Variants in USP50 observed in about 807,000 individuals in gnomAD.
The protein encoded by USP50 is ubiquitin specific peptidase 50.
In USP50, 37 loss-of-function variants were observed where a neutral mutation model predicts 39.2. The observed-to-expected ratio is 0.94, with a 90% CI of 0.73 to 1.24. The LOEUF is 1.24. Ranked by LOEUF, USP50 falls within the 50% of genes most tolerant of loss-of-function variation. USP50 has a pLI of 0.00. For missense variants in USP50, 374 were observed against 398.2 expected, an observed-to-expected ratio of 0.94 and a Z score of 0.52; for synonymous variants, 139 against 144.5, an observed-to-expected ratio of 0.96 and a Z score of 0.27.
downstream of USP50, chr15:50,498,821 A>T: frequency 6.5e-7 from 1 of 1,549,612 alleles, no homozygotes; most frequent in Non-Finnish European, 8.7e-7. Flanking sequence ...AGTAAGAACA[A>T]CATAAAGCTT....
chr15:50,500,942 A>G, intron 6 of USP50, 105 bp from the exon 7 acceptor site: 1 of 956,256 alleles, frequency 1.0e-6, no homozygotes, highest in Non-Finnish European at 1.6e-6. Context: ...CCCTTATTCT[A>G]AATTAAAAGG....
chr15:50,538,338 T>C (rs2053000437), intron 5 of USP50, among the ~76,000 whole-genome samples: 1 of 146,184 alleles, frequency 6.8e-6, no homozygotes, highest in African/African-American at 2.5e-5. Flanking sequence ...AACAACCCAA[T>C]TTTTAAAATA....
downstream of USP50, chr15:50,493,608 G>A: frequency 2.3e-6 from 1 of 439,104 alleles, no homozygotes; most frequent in Non-Finnish European, 4.5e-6. Context: ...AGCTAGGTGT[G>A]GTGATACATG....
chr15:50,525,570 A>ATGTG (rs1303040819), intron 6 of USP50, among the ~76,000 whole-genome samples: 1 of 65,684 alleles, frequency 1.5e-5, no homozygotes, highest in Admixed American at 1.5e-4. Flanking sequence ...ATATGTATAT[A>ATGTG]TGTATATGTA....
At position 50,518,387 on chromosome 15, in the gene USP50, A is replaced by AT. The variant is rs767249659; in HGVS notation, c.936+11409dup. Reference sequence around the variant, plus strand: ...AGGCACCCACCACCACGCCCGGCTAATTTTTTTTTATATTTTTAGTAGAGA... The same window carrying AT: ...AGGCACCCACCACCACGCCCGGCTAATTTTTTTTTTATATTTTTAGTAGAGA... On this transcript the variant is annotated intron_variant, in intron 6 of 6. Transcript: ENST00000532404. 2.0e-4 allele frequency among the ~76,000 whole-genome samples: 30 copies of AT among 150,758 alleles called. No homozygotes were observed. In the East Asian group the frequency reaches 2.1e-3, roughly 11 times the overall value.
At chr15:50,536,196 C>G (rs942290680) in intron 5 of USP50, among the ~76,000 whole-genome samples, 2 of 152,102 alleles carry the variant, frequency 1.3e-5, no homozygotes, top group Non-Finnish European at 2.9e-5. Context: ...CCGTCTTTGT[C>G]TACAGATGAC....
chr15:50,538,900 C>G (rs1409823590), intron 4 of USP50, 49 bp from the exon 5 acceptor site: 11 of 1,550,080 alleles, frequency 7.1e-6, no homozygotes, highest in African/African-American at 1.4e-5. Flanking sequence ...CAACTGCAAC[C>G]TGCACTCTCT....
intron 5 of USP50, among the ~76,000 whole-genome samples, chr15:50,533,159 C>A (rs1376170761): frequency 7.1e-6 from 1 of 141,040 alleles, no homozygotes; most frequent in East Asian, 2.1e-4. Context: ...ACCATGCCTC[C>A]TAAAAAAAAA....
chr15:50,546,538 A>C lies in USP50; in HGVS notation c.-13T>G, dbSNP rs1301162852. On this transcript the variant is annotated 5_prime_UTR_variant, in exon 1 of 7. Transcript: ENST00000532404. ...GCTGAGAAGTCATTTTAATGGAACCACGTTGGACTTTTGCTTCTATTCAGG... is the reference window on the plus strand; with the variant it reads ...GCTGAGAAGTCATTTTAATGGAACCCCGTTGGACTTTTGCTTCTATTCAGG... 1 of 1,613,416 alleles carries C rather than the reference A, an allele frequency of 6.2e-7. No individual in the cohort carries two copies.
At chr15:50,502,042 G>A (rs2052597640) in intron 6 of USP50, 1 of 152,184 alleles carries the variant, frequency 6.6e-6, no homozygotes, top group African/African-American at 2.4e-5. Context: ...AATATTTACT[G>A]TTTGGCCTTT....
At chr15:50,540,063 A>G (rs904482486) in intron 4 of USP50, among the ~76,000 whole-genome samples, 1 of 152,224 alleles carries the variant, frequency 6.6e-6, no homozygotes, top group Non-Finnish European at 1.5e-5. Flanking sequence ...CTATTCTCCA[A>G]TTCTGGTAGG....
At chr15:50,498,673 A>C (rs1320327229), downstream of USP50, 2 of 1,613,400 alleles carry the variant, frequency 1.2e-6, no homozygotes, top group South Asian at 2.2e-5. Context: ...GACTTGTCAC[A>C]GTATGTTATT....
At position 50,500,740 on chromosome 15, in the gene USP50, T is replaced by C. The variant is rs1281394326; in HGVS notation, c.*29A>G. 1.3e-6 allele frequency: 2 copies of C among 1,566,222 alleles called. No homozygotes were observed. Among genetic ancestry groups the C allele is most frequent in the Admixed American group, 3.8e-5 (2 of 52,922 alleles). ...ATTTTGAACAGAAGTATCTGGAATC[T>C]CACTGACTCGTGTGTTATCAAAGCT... is the stretch of plus-strand genomic sequence containing the variant. On this transcript the variant is annotated 3_prime_UTR_variant, in exon 7 of 7. Coordinates refer to ENST00000532404, the MANE Select transcript of USP50 (RefSeq NM_203494.5).
At chr15:50,543,859 C>T (rs2053050061) in intron 2 of USP50, 66 bp from the exon 3 acceptor site, 8 of 1,481,370 alleles carry the variant, frequency 5.4e-6, no homozygotes, top group African/African-American at 1.4e-5. Context: ...ATCACCCAAG[C>T]CTAGGAAATT....
chr15:50,500,659 C>T lies in USP50; in HGVS notation c.*110G>A, dbSNP rs1012704208. 1.7e-5 allele frequency: 18 copies of T among 1,059,070 alleles called. No homozygotes were observed. In the African/African-American group the frequency reaches 1.7e-4, roughly 10 times the overall value. The allele number at this position is 1,059,070 out of a possible 1,614,324, so 65.6% of individuals were successfully genotyped here. On this transcript the variant is annotated 3_prime_UTR_variant, in exon 7 of 7. Coordinates refer to ENST00000532404, the MANE Select transcript of USP50 (RefSeq NM_203494.5). The stretch of plus-strand genomic sequence containing the variant: ...GAAACACCATTTTCCTGGCTCTTAA[C>T]GCTTTTGTATTGGTATGGAAAAGGG...
At chr15:50,545,716 C>T (rs777052022) in intron 1 of USP50, among the ~76,000 whole-genome samples, 7 of 151,702 alleles carry the variant, frequency 4.6e-5, no homozygotes, top group Non-Finnish European at 1.0e-4. Flanking sequence ...CACATATACA[C>T]GGAGAGGAGA....
chr15:50,494,055 C>T, exon 2 of USP50: 2 of 1,595,202 alleles, frequency 1.3e-6, no homozygotes, highest in Non-Finnish European at 1.7e-6. Context: ...TTTGTAACAA[C>T]TTTTATTTGC....
At chr15:50,520,505 G>A (rs1190729448) in intron 6 of USP50, among the ~76,000 whole-genome samples, 2 of 151,824 alleles carry the variant, frequency 1.3e-5, no homozygotes, top group Non-Finnish European at 2.9e-5. Flanking sequence ...TCACTATGTT[G>A]CTCAGGCTGG....
At chr15:50,513,562 G>C (rs563333324) in intron 6 of USP50, 3 of 146,826 alleles carry the variant, frequency 2.0e-5, no homozygotes, top group South Asian at 4.3e-4. Context: ...AGCCACAGAA[G>C]GTAATTTAAA....
Sources: allele counts gnomAD v4.1 joint callset (sites outside exome capture counted in the v4.1 genomes callset), GRCh38; gene constraint gnomAD v4.1.1; transcripts MANE v1.5; gene names NCBI Gene and HGNC (gene_info 2026-07-23, HGNC 2026-07-21).